PHF14: variants seen among roughly 807,000 people sequenced by gnomAD.
The protein encoded by PHF14 is PHD finger protein 14.
Under a neutral mutation model 117.9 loss-of-function variants are expected in PHF14, and 55 were observed. The ratio of observed to expected loss-of-function variants is 0.47; its 90% CI spans 0.38 to 0.58. The LOEUF (loss-of-function observed/expected upper bound fraction) is 0.58. Among genes scored for constraint, PHF14 ranks in the 20% least tolerant of loss-of-function variants. The probability of loss-of-function intolerance (pLI) is 0.00; values close to 1 mark genes in which losing one functional copy is unlikely to be tolerated. For synonymous variants in PHF14, 409 were observed against 368.6 expected (o/e 1.11, Z -1.26); for missense variants, 978 against 1,122.2 (o/e 0.87, Z 1.84).
chr7:11,143,703 G>A (rs748151575), intron 17 of PHF14, among the ~76,000 whole-genome samples: 11 of 152,050 alleles, frequency 7.2e-5, no homozygotes, highest in Admixed American at 2.0e-4. Flanking sequence ...CATCTTGTAA[G>A]TGTAACACCC....
chr7:11,148,395 G>T (rs566849314), intron 17 of PHF14, among the ~76,000 whole-genome samples: 5 of 152,172 alleles, frequency 3.3e-5, no homozygotes, highest in African/African-American at 9.6e-5. Flanking sequence ...CGTTGCCCTT[G>T]TTCCCTGTGC....
At chr7:11,098,511 C>G (rs1446266885) in intron 16 of PHF14, among the ~76,000 whole-genome samples, 5 of 152,128 alleles carry the variant, frequency 3.3e-5, no homozygotes. Context: ...TACAGCTCTA[C>G]TATGTCTCAC....
intron 13 of PHF14, among the ~76,000 whole-genome samples, chr7:11,044,890 C>G (rs1270924178): frequency 6.6e-6 from 1 of 152,176 alleles, no homozygotes; most frequent in Non-Finnish European, 1.5e-5. Context: ...ATTGTACCTA[C>G]TGGTCGAGTA....
chr7:11,083,266 G>C (rs559730137), intron 16 of PHF14, among the ~76,000 whole-genome samples: 92 of 152,192 alleles, frequency 6.0e-4, no homozygotes, highest in African/African-American at 2.1e-3. Flanking sequence ...CTTTGTCTGA[G>C]TGTTTGTTTT....
At chr7:11,024,414 A>G (rs375615224) in intron 6 of PHF14, among the ~76,000 whole-genome samples, 1 of 152,216 alleles carries the variant, frequency 6.6e-6, no homozygotes, top group African/African-American at 2.4e-5. Context: ...AAGATTTTCA[A>G]TGTAGATGAA....
At position 11,107,176 on chromosome 7, in the gene PHF14, A is replaced by G. The variant is rs189503347; in HGVS notation, c.2655-4174A>G. 12 of 984,744 alleles carry G rather than the reference A, an allele frequency of 1.2e-5. No homozygotes were observed. In the Admixed American group the frequency reaches 6.2e-4, roughly 51 times the overall value. The allele number at this position is 984,744 out of a possible 1,614,324, so 61.0% of individuals were successfully genotyped here. A position where few individuals can be genotyped will look rare whatever the true frequency, so the allele number is the denominator to read the frequency against. ...GCCTCTTAGGCATTCGATGAAATAAATCAGCTGCTTCTTTTTACTTGTTTG... is the reference window on the plus strand; with the variant it reads ...GCCTCTTAGGCATTCGATGAAATAAGTCAGCTGCTTCTTTTTACTTGTTTG... On this transcript the variant is annotated intron_variant, in intron 16 of 17. Coordinates refer to ENST00000634607, the MANE Select transcript of PHF14 (RefSeq NM_001007157.2).
At position 11,147,362 on chromosome 7, in the gene PHF14, G is replaced by T. The variant is rs187296979; in HGVS notation, c.2773-22054G>T. Among the ~76,000 whole-genome samples the T allele has an allele frequency of 1.4e-3, 208 of 152,260 alleles. 3 individuals are homozygous for T. Among genetic ancestry groups the T allele is most frequent in the Admixed American group, 0.011 (165 of 15,282 alleles). On this transcript the variant is annotated intron_variant, in intron 17 of 17. Coordinates refer to ENST00000634607, the MANE Select transcript of PHF14 (RefSeq NM_001007157.2). ...GGTCTTTCCATTATGATTCGAAGAT[G>T]GCTGCTACAACTCCAGTTATTATCC... is the stretch of plus-strand genomic sequence containing the variant.
chr7:11,001,177 G>A (rs1449203686), intron 4 of PHF14, among the ~76,000 whole-genome samples: 1 of 151,892 alleles, frequency 6.6e-6, no homozygotes, highest in East Asian at 1.9e-4. Flanking sequence ...TATTGCCTTT[G>A]CTCCTTTGTC....
rs1276901278 is a variant in PHF14 at position 11,036,605 on chromosome 7, A to G, written c.1790A>G (p.Asn597Ser). The G allele has an allele frequency of 2.5e-6, 4 of 1,613,714 alleles. No homozygotes were observed. Among genetic ancestry groups the G allele is most frequent in the Admixed American group, 1.7e-5 (1 of 60,002 alleles). The change falls in exon 9 of 18, where the codon AAT becomes AGT. Residue 597 changes from asparagine to serine, a missense_variant. Asn to Ser is a conservative substitution (Grantham distance 46). This residue lies in a region of PHF14 where 237 missense variants were observed against 276.4 expected (regional missense o/e 0.86). Coordinates refer to ENST00000634607, the MANE Select transcript of PHF14 (RefSeq NM_001007157.2). ...AGTACAGATATCTTTCCAGTGGACAATTCAGATACTAGTTCTAGTGTGGAT... is the reference window on the plus strand; with the variant it reads ...AGTACAGATATCTTTCCAGTGGACAGTTCAGATACTAGTTCTAGTGTGGAT... ...GISTDIFPVD[N>S]SDTSSSVDGR...
At chr7:11,088,994 G>C (rs1156662992) in intron 16 of PHF14, among the ~76,000 whole-genome samples, 1 of 151,834 alleles carries the variant, frequency 6.6e-6, no homozygotes, top group Non-Finnish European at 1.5e-5. Context: ...TCTGAGTAAA[G>C]TAAAATCTTC....
At chr7:11,024,497 C>T (rs1783845318) in intron 6 of PHF14, among the ~76,000 whole-genome samples, 1 of 152,158 alleles carries the variant, frequency 6.6e-6, no homozygotes, top group African/African-American at 2.4e-5. Flanking sequence ...TATCTGGCTT[C>T]TAAGGGCAGG....
At chr7:11,106,417 T>G in intron 16 of PHF14, 1 of 955,194 alleles carries the variant, frequency 1.0e-6, no homozygotes, top group Non-Finnish European at 1.2e-6. Flanking sequence ...ATTTTCTAAT[T>G]ATTTTGTATA....
At chr7:11,101,033 C>T (rs1787067722) in intron 16 of PHF14, among the ~76,000 whole-genome samples, 1 of 151,810 alleles carries the variant, frequency 6.6e-6, no homozygotes, top group Non-Finnish European at 1.5e-5. Context: ...GAAATAAATA[C>T]AAAGCCCAAA....
At chr7:11,013,344 G>T (rs148979664) in intron 4 of PHF14, among the ~76,000 whole-genome samples, 3,828 of 151,920 alleles carry the variant, frequency 0.025, 121 homozygotes, top group East Asian at 0.1. Flanking sequence ...GTGTTTTTAG[G>T]AGAGATGAGG....
chr7:11,074,689 A>G lies in PHF14; in HGVS notation c.2654+12604A>G, dbSNP rs530306002. Among the ~76,000 whole-genome samples the G allele has an allele frequency of 1.2e-3, 181 of 152,174 alleles. 1 individual carries two copies. Among genetic ancestry groups the G allele is most frequent in the Non-Finnish European group, 1.0e-3 (71 of 68,018 alleles). Reference sequence around the variant, plus strand: ...CAAGAACATGCACAAAATATAGCCAAGTTCTTTGCTAGGGCATAATATGGG... The same window carrying G: ...CAAGAACATGCACAAAATATAGCCAGGTTCTTTGCTAGGGCATAATATGGG... On this transcript the variant is annotated intron_variant, in intron 16 of 17. Transcript: ENST00000634607.
intron 17 of PHF14, among the ~76,000 whole-genome samples, chr7:11,155,715 G>A (rs931770546): frequency 3.3e-5 from 5 of 151,684 alleles, no homozygotes; most frequent in African/African-American, 1.2e-4. Flanking sequence ...GTTTTAGTCA[G>A]ATTGTAAACT....
chr7:11,157,543 T>C (rs1788902574), intron 17 of PHF14, among the ~76,000 whole-genome samples: 1 of 152,194 alleles, frequency 6.6e-6, no homozygotes, highest in Non-Finnish European at 1.5e-5. Context: ...TTTGAAACCC[T>C]TGATTAAATG....
At chr7:11,022,509 T>C (rs1783770585) in intron 5 of PHF14, among the ~76,000 whole-genome samples, 1 of 152,192 alleles carries the variant, frequency 6.6e-6, no homozygotes, top group African/African-American at 2.4e-5. Context: ...TGACTACCTT[T>C]CCTTGCATAT....
intron 14 of PHF14, among the ~76,000 whole-genome samples, chr7:11,052,045 T>C (rs1784865599): frequency 6.6e-6 from 1 of 152,138 alleles, no homozygotes; most frequent in Admixed American, 6.6e-5. Flanking sequence ...TCCCAAAGCT[T>C]TAGAAGTTTC....
Sources: allele counts gnomAD v4.1 joint callset (sites outside exome capture counted in the v4.1 genomes callset), GRCh38; gene constraint gnomAD v4.1.1; regional missense constraint gnomAD v4.1.1; transcripts MANE v1.5; gene names NCBI Gene and HGNC (gene_info 2026-07-23, HGNC 2026-07-21).